TIAM2: variants seen among roughly 807,000 people sequenced by gnomAD.
TIAM2 encodes TIAM Rac1 associated GEF 2, also known as rho guanine nucleotide exchange factor TIAM2.
TIAM2 carries 80 observed loss-of-function variants against 152.9 expected under a neutral mutation model. The observed-to-expected ratio is 0.52, with a 90% CI of 0.44 to 0.63. The LOEUF is 0.63. TIAM2 is among the 30% of genes least tolerant of loss of function. TIAM2 has a pLI of 0.00. For missense variants in TIAM2, 1,965 were observed against 2,120.1 expected (o/e 0.93, Z 1.44); for synonymous variants, 804 against 838.0 (o/e 0.96, Z 0.70).
chr6:155,176,727 A>T, intron 9 of TIAM2, 89 bp from the exon 10 acceptor site: 3 of 1,411,806 alleles, frequency 2.1e-6, no homozygotes, highest in Non-Finnish European at 2.9e-6. Flanking sequence ...TACTCTAAAT[A>T]CTCCGTAAAT....
At chr6:155,168,509 A>G (rs1249353263) in intron 9 of TIAM2, among the ~76,000 whole-genome samples, 1 of 152,062 alleles carries the variant, frequency 6.6e-6, no homozygotes, top group African/African-American at 2.4e-5. Context: ...GGCGGGTGCC[A>G]CCACATCTGG....
intron 1 of TIAM2, among the ~76,000 whole-genome samples, chr6:155,078,295 C>T (rs1272828451): frequency 6.6e-6 from 1 of 152,144 alleles, no homozygotes; most frequent in Non-Finnish European, 1.5e-5. Flanking sequence ...ATCTGTCCGC[C>T]TAGGCCTCCG....
intron 11 of TIAM2, 58 bp downstream of exon 11, chr6:155,179,201 T>C: frequency 6.5e-7 from 1 of 1,527,004 alleles, no homozygotes; most frequent in Admixed American, 1.8e-5. Context: ...CCCTTTGATT[T>C]TGAAAAATGT....
rs375266261 is a variant in TIAM2 at position 155,037,703 on chromosome 6, T to C, written c.-209+42211T>C. On this transcript the variant is annotated intron_variant, in intron 1 of 26. Coordinates refer to ENST00000682666, the MANE Select transcript of TIAM2 (RefSeq NM_012454.4). The stretch of plus-strand genomic sequence containing the variant: ...CACCACCACGCCTGCCTAATTTTTG[T>C]ATTTTTAGTAGGGATGGGGTTTTGA... 7.8e-4 allele frequency among the ~76,000 whole-genome samples: 119 copies of C among 152,212 alleles called. 1 individual carries two copies. In the South Asian group the frequency reaches 0.022, roughly 28 times the overall value.
chr6:155,229,004 C>T (rs1414125756), intron 15 of TIAM2, among the ~76,000 whole-genome samples: 1 of 152,234 alleles, frequency 6.6e-6, no homozygotes, highest in African/African-American at 2.4e-5. Flanking sequence ...TGCTCTCTGC[C>T]TTCTCAGGAA....
chr6:155,219,877 G>GAA (rs58436776), intron 15 of TIAM2, among the ~76,000 whole-genome samples: 24 of 146,004 alleles, frequency 1.6e-4, no homozygotes, highest in African/African-American at 5.3e-4. Context: ...GGAAAAACAG[G>GAA]AAAAAAAAAA....
intron 5 of TIAM2, among the ~76,000 whole-genome samples, chr6:155,141,417 A>ACT (rs1554233944): frequency 2.0e-5 from 3 of 148,642 alleles, no homozygotes; most frequent in East Asian, 1.9e-4. Flanking sequence ...ACACACACAC[A>ACT]CTCTTAAGCC....
chr6:155,146,768 A>ATT (rs373361803), intron 6 of TIAM2, among the ~76,000 whole-genome samples: 2,143 of 135,628 alleles, frequency 0.016, 38 homozygotes, highest in African/African-American at 0.057. Flanking sequence ...TGCCTGGCTA[A>ATT]TTTTTTTTTT....
At chr6:155,052,802 A>G (rs1466903989) in intron 1 of TIAM2, among the ~76,000 whole-genome samples, 2 of 151,824 alleles carry the variant, frequency 1.3e-5, no homozygotes, top group African/African-American at 4.8e-5. Flanking sequence ...AAAGAAATTG[A>G]TAGCCTGATA....
At position 155,051,919 on chromosome 6, in the gene TIAM2, C is replaced by T. The variant is rs534301863; in HGVS notation, c.-208-38370C>T. ...CCTCCCAAAGTGCTGGGATTACAGG[C>T]GTGAGCCACTGCGCCTGGCCGGCTG... On this transcript the variant is annotated intron_variant, in intron 1 of 26. Coordinates refer to ENST00000682666, the MANE Select transcript of TIAM2 (RefSeq NM_012454.4). Among the ~76,000 whole-genome samples the T allele has an allele frequency of 1.4e-4, 22 of 152,206 alleles. No individual in the cohort carries two copies. In the South Asian group the frequency reaches 1.5e-3, roughly 10 times the overall value.
chr6:155,176,864 C>G lies in TIAM2; in HGVS notation c.2410C>G (p.Arg804Gly). The G allele has an allele frequency of 6.2e-7, 1 of 1,613,968 alleles. No individual in the cohort carries two copies. Among genetic ancestry groups the G allele is most frequent in the South Asian group, 1.1e-5 (1 of 91,072 alleles). The change falls in exon 10 of 27, where the codon CGA becomes GGA. Residue 804 changes from arginine to glycine, a missense_variant. Physicochemically the swap from Arg to Gly is moderately radical, Grantham distance 125. This residue lies in a region of TIAM2 where 1,025 missense variants were observed against 1,119.4 expected (regional missense o/e 0.92). Transcript: ENST00000682666. ...TGGTTCAACAGTAGACGGTGTTCCC[C>G]GAGACAATGCATGGGAAATCCAGAC... is the stretch of plus-strand genomic sequence containing the variant. ...IYGSTVDGVPRDNAWEIQTYV... is the reference protein window; with the variant it reads ...IYGSTVDGVPGDNAWEIQTYV...
chr6:155,161,736 G>GCT (rs968408734), intron 7 of TIAM2, among the ~76,000 whole-genome samples: 2 of 147,564 alleles, frequency 1.4e-5, no homozygotes, highest in Non-Finnish European at 3.0e-5. Context: ...CCTGGCTAAT[G>GCT]TTTTTTTTTT....
chr6:155,188,181 C>T (rs144490556), intron 14 of TIAM2, among the ~76,000 whole-genome samples: 6 of 152,308 alleles, frequency 3.9e-5, no homozygotes, highest in East Asian at 3.9e-4. Context: ...TGTCTTTCCT[C>T]GTGCGCTCAG....
intron 15 of TIAM2, among the ~76,000 whole-genome samples, chr6:155,238,865 G>A (rs187867625): frequency 1.3e-5 from 2 of 152,282 alleles, no homozygotes; most frequent in African/African-American, 4.8e-5. Context: ...GCCCTCAATT[G>A]ATGACCACTG....
chr6:155,047,726 C>CGAGAGAGAGAGAGAGAGAGAGCGA (rs763117085), intron 1 of TIAM2, among the ~76,000 whole-genome samples: 1 of 37,032 alleles, frequency 2.7e-5, no homozygotes, highest in African/African-American at 9.9e-5. Flanking sequence ...AGAGAGAGAG[C>CGAGAGAGAGAGAGAGAGAGAGCGA]GAGAGAGAGA....
chr6:155,096,922 T>TC (rs1229793394), intron 2 of TIAM2, among the ~76,000 whole-genome samples: 1 of 152,216 alleles, frequency 6.6e-6, no homozygotes, highest in East Asian at 1.9e-4. Context: ...TTGAGGAAAC[T>TC]CCAAACCGTT....
chr6:155,030,158 C>G (rs1472814317), intron 1 of TIAM2, among the ~76,000 whole-genome samples: 2 of 151,954 alleles, frequency 1.3e-5, no homozygotes, highest in Non-Finnish European at 2.9e-5. Context: ...TTTTATATTA[C>G]CTTATGATAA....
At chr6:155,098,303 G>A (rs1778465590) in intron 2 of TIAM2, among the ~76,000 whole-genome samples, 3 of 152,024 alleles carry the variant, frequency 2.0e-5, no homozygotes, top group African/African-American at 4.8e-5. Context: ...CTTCCAAGCC[G>A]TGAGCATGGA....
rs113632082 is a variant in TIAM2 at position 155,174,603 on chromosome 6, A to G, written c.2362-2213A>G. 0.037 allele frequency among the ~76,000 whole-genome samples: 5,558 copies of G among 152,236 alleles called. 299 individuals carry two copies. The highest frequency in any genetic ancestry group is 0.12 in the African/African-American group (4,817 of 41,530). ...AGGCTGGTCTTGAACTCATGACCTT[A>G]GGTGATCCACTGGCCTCGGCCTCCC... On this transcript the variant is annotated intron_variant, in intron 9 of 26. Transcript: ENST00000682666. This position sits in a 1 kb window ranked among gnomAD's most constrained non-coding sequence, Gnocchi z 4.2.
Sources: allele counts gnomAD v4.1 joint callset (sites outside exome capture counted in the v4.1 genomes callset), GRCh38; gene constraint gnomAD v4.1.1; regional missense constraint gnomAD v4.1.1; non-coding constraint Gnocchi (gnomAD v3.1); transcripts MANE v1.5; gene names NCBI Gene and HGNC (gene_info 2026-07-23, HGNC 2026-07-21).